The following SLC39A11 variants were observed in gnomAD, a reference collection of about 807,000 sequenced individuals.
The protein encoded by SLC39A11 is solute carrier family 39 member 11.
In SLC39A11, 33 loss-of-function variants were observed where a neutral mutation model predicts 36.1. The ratio of observed to expected loss-of-function variants is 0.91; its 90% CI spans 0.69 to 1.22. The LOEUF is 1.22. SLC39A11 is among the 50% of genes most tolerant of loss of function. The probability of loss-of-function intolerance (pLI) is 0.00; values close to 1 mark genes in which losing one functional copy is unlikely to be tolerated. For missense variants in SLC39A11, 432 were observed against 430.3 expected (o/e 1.00, Z -0.03); for synonymous variants, 166 against 170.3 (o/e 0.97, Z 0.20).
At chr17:72,993,675 C>T (rs1456345899) in intron 4 of SLC39A11, among the ~76,000 whole-genome samples, 1 of 152,170 alleles carries the variant, frequency 6.6e-6, no homozygotes, top group Non-Finnish European at 1.5e-5. Flanking sequence ...CAGTCTTCCC[C>T]GTTGATTCTG....
chr17:72,651,694 G>A (rs2069861239), intron 7 of SLC39A11, among the ~76,000 whole-genome samples: 1 of 152,006 alleles, frequency 6.6e-6, no homozygotes. Flanking sequence ...TCCCCAGGGG[G>A]CATCTGAAAA....
At chr17:73,005,204 C>T (rs950338790) in intron 4 of SLC39A11, among the ~76,000 whole-genome samples, 1 of 152,158 alleles carries the variant, frequency 6.6e-6, no homozygotes, top group Non-Finnish European at 1.5e-5. Flanking sequence ...TCTCGAACTC[C>T]TGACCTCAGA....
intron 3 of SLC39A11, among the ~76,000 whole-genome samples, chr17:73,050,410 T>C (rs927043424): frequency 1.4e-5 from 2 of 145,486 alleles, no homozygotes; most frequent in African/African-American, 2.5e-5. Flanking sequence ...TGGGTCCTCA[T>C]GGGCCATGAG....
chr17:73,054,658 A>G (rs1252505345), intron 3 of SLC39A11, among the ~76,000 whole-genome samples: 1 of 151,868 alleles, frequency 6.6e-6, no homozygotes, highest in Non-Finnish European at 1.5e-5. Flanking sequence ...AAACACAAAA[A>G]TTAGTCAGGT....
intron 7 of SLC39A11, among the ~76,000 whole-genome samples, chr17:72,718,412 C>T (rs532923509): frequency 6.6e-6 from 1 of 152,304 alleles, no homozygotes; most frequent in African/African-American, 2.4e-5. Context: ...GCACCCCAGC[C>T]TGGGCAACAG....
chr17:73,035,583 C>T (rs755056530), intron 3 of SLC39A11, among the ~76,000 whole-genome samples: 11 of 152,056 alleles, frequency 7.2e-5, no homozygotes, highest in Non-Finnish European at 1.6e-4. Flanking sequence ...ATGATACTGG[C>T]TTATTTGAGT....
At chr17:72,990,240 C>T (rs1373351863) in intron 4 of SLC39A11, among the ~76,000 whole-genome samples, 1 of 152,210 alleles carries the variant, frequency 6.6e-6, no homozygotes, top group East Asian at 1.9e-4. Flanking sequence ...CAACCAGTTA[C>T]AAACCCTAAG....
intron 3 of SLC39A11, among the ~76,000 whole-genome samples, chr17:73,064,895 G>A (rs968656382): frequency 4.6e-5 from 7 of 152,064 alleles, no homozygotes; most frequent in African/African-American, 1.7e-4. Context: ...GGGGGATAGG[G>A]GAAAAAACAC....
rs547705491 is a variant in SLC39A11 at position 72,825,448 on chromosome 17, T to TC, written c.601+24185dup. Among the ~76,000 whole-genome samples the TC allele has an allele frequency of 3.9e-5, 6 of 152,256 alleles. No individual in the cohort carries two copies. The South Asian group carries it at 1.2e-3, about 32-fold the overall frequency. On this transcript the variant is annotated intron_variant, in intron 6 of 9. Transcript: ENST00000255559. ...AGGGGTGGAGCCCTCATGGAGAACC[T>TC]CAACTAGGGCAGTGCAGAGGAGAGT...
In SLC39A11 at chr17:72,729,441, ATATATATATATATATATTTTTTTT is replaced by A. The variant is rs1160485068; in HGVS notation, c.671+7185_671+7208del. Among the ~76,000 whole-genome samples, 6 of 2,238 alleles carry A rather than the reference ATATATATATATATATATTTTTTTT, an allele frequency of 2.7e-3. 1 individual carries two copies. Among genetic ancestry groups the A allele is most frequent in the African/African-American group, 9.3e-3 (6 of 646 alleles). 1.5% of individuals were successfully genotyped at this position (2,238 alleles called of 152,430 possible). A position where few individuals can be genotyped will look rare whatever the true frequency, so the allele number is the denominator to read the frequency against. ...TATATATATATATATATATATATAT[ATATATATATATATATATTTTTTTT>A]TTTTTTTTTTTTTGTAGAGACAGGG... On this transcript the variant is annotated intron_variant, in intron 7 of 9. Coordinates refer to ENST00000255559, the MANE Select transcript of SLC39A11 (RefSeq NM_139177.4).
chr17:72,782,772 G>C (rs998695846), intron 6 of SLC39A11, among the ~76,000 whole-genome samples: 1 of 150,762 alleles, frequency 6.6e-6, no homozygotes, highest in Non-Finnish European at 1.5e-5. Flanking sequence ...AGGCCAAGGC[G>C]GGTGGATCAC....
intron 7 of SLC39A11, among the ~76,000 whole-genome samples, chr17:72,688,913 C>G (rs1349627672): frequency 1.3e-5 from 2 of 152,160 alleles, no homozygotes; most frequent in Non-Finnish European, 2.9e-5. Context: ...GGTGCAAATA[C>G]CAAGGTGATT....
chr17:73,058,316 G>T (rs1228866045), intron 3 of SLC39A11, among the ~76,000 whole-genome samples: 1 of 152,196 alleles, frequency 6.6e-6, no homozygotes, highest in Non-Finnish European at 1.5e-5. Flanking sequence ...AATGAAAACA[G>T]TCGGGGGATA....
At position 72,660,122 on chromosome 17, in the gene SLC39A11, C is replaced by T. The variant is rs1239994768; in HGVS notation, c.672-10854G>A. Among the ~76,000 whole-genome samples, 4 of 152,160 alleles carry T rather than the reference C, an allele frequency of 2.6e-5. No homozygotes were observed. In the East Asian group the frequency reaches 7.7e-4, roughly 29 times the overall value. ...GCCATCTCCACTCAAACCTCAATGT[C>T]TCAGGCCTTGAGCTTGGGAAATGCT... On this transcript the variant is annotated intron_variant, in intron 7 of 9. Coordinates refer to ENST00000255559, the MANE Select transcript of SLC39A11 (RefSeq NM_139177.4).
At chr17:72,899,546 C>T (rs1245490482) in intron 5 of SLC39A11, among the ~76,000 whole-genome samples, 1 of 152,166 alleles carries the variant, frequency 6.6e-6, no homozygotes, top group African/African-American at 2.4e-5. Flanking sequence ...CCTCTCCGGC[C>T]ACATTCACCA....
At chr17:72,849,208 C>A (rs1301244698) in intron 6 of SLC39A11, among the ~76,000 whole-genome samples, 1 of 152,114 alleles carries the variant, frequency 6.6e-6, no homozygotes, top group African/African-American at 2.4e-5. Flanking sequence ...TCTCAGGGGG[C>A]AGAGGCGGAA....
intron 5 of SLC39A11, among the ~76,000 whole-genome samples, chr17:72,912,621 C>T (rs2083081674): frequency 6.6e-6 from 1 of 151,872 alleles, no homozygotes; most frequent in South Asian, 2.1e-4. Flanking sequence ...AGACAGGATC[C>T]TTAATGGTGG....
chr17:72,894,451 C>T (rs1184344923), intron 5 of SLC39A11, among the ~76,000 whole-genome samples: 1 of 137,374 alleles, frequency 7.3e-6, no homozygotes, highest in African/African-American at 2.8e-5. Flanking sequence ...GGGCAGATCA[C>T]GAGGTCAGGA....
At chr17:72,914,303 G>A (rs543584938) in intron 5 of SLC39A11, among the ~76,000 whole-genome samples, 4 of 149,770 alleles carry the variant, frequency 2.7e-5, no homozygotes, top group East Asian at 3.9e-4. Context: ...ACGACAGAGC[G>A]AGACTCCATC....
Sources: gnomAD v4.1 joint callset for allele counts (sites outside exome capture counted in the v4.1 genomes callset) on GRCh38, gnomAD v4.1.1 for gene constraint, MANE v1.5 for transcripts, NCBI Gene and HGNC (gene_info 2026-07-23, HGNC 2026-07-21) for gene names.